Variants in CSMD2 observed in about 807,000 individuals in gnomAD.
CSMD2 encodes the protein CUB and sushi domain-containing protein 2.
A neutral mutation model predicts 398.5 loss-of-function variants in CSMD2; 130 were observed. The observed-to-expected ratio is 0.33, with a 90% CI of 0.28 to 0.38. The LOEUF is 0.38. Ranked by LOEUF, CSMD2 falls within the 10% of genes least tolerant of loss-of-function variation. CSMD2 has a pLI of 1.00. For missense variants in CSMD2, 3,829 were observed against 4,764.9 expected (o/e 0.80, Z 5.78); for synonymous variants, 1,828 against 1,908.5 (o/e 0.96, Z 1.10).
At chr1:33,630,548 GAA>G (rs1261909468) in intron 32 of CSMD2, among the ~76,000 whole-genome samples, 7 of 152,154 alleles carry the variant, frequency 4.6e-5, no homozygotes, top group Non-Finnish European at 1.0e-4. Flanking sequence ...GGAGAGCTAA[GAA>G]AAGAGTGTGA....
chr1:33,917,927 T>C (rs1462990159), intron 5 of CSMD2, among the ~76,000 whole-genome samples, 167 bp downstream of exon 5: 1 of 152,204 alleles, frequency 6.6e-6, no homozygotes, highest in African/African-American at 2.4e-5. Flanking sequence ...TCTAAAAATA[T>C]GCAGTGCTTT....
intron 2 of CSMD2, among the ~76,000 whole-genome samples, chr1:34,085,601 T>C (rs1445384989): frequency 6.6e-6 from 1 of 152,038 alleles, no homozygotes; most frequent in African/African-American, 2.4e-5. Context: ...TAAAACAAGA[T>C]GGTGAGAGGA....
At chr1:33,812,826 G>T (rs1657010797) in intron 9 of CSMD2, among the ~76,000 whole-genome samples, 1 of 152,186 alleles carries the variant, frequency 6.6e-6, no homozygotes, top group African/African-American at 2.4e-5. Flanking sequence ...CCAATGCCAT[G>T]TCTATTCTGT....
At chr1:33,969,768 T>C (rs1199253547) in intron 3 of CSMD2, among the ~76,000 whole-genome samples, 2 of 151,542 alleles carry the variant, frequency 1.3e-5, no homozygotes, top group African/African-American at 4.8e-5. Context: ...TGAGTGTGTA[T>C]GCTTCAGATT....
At chr1:33,824,977 T>C (rs1570133432) in intron 7 of CSMD2, among the ~76,000 whole-genome samples, 1 of 152,124 alleles carries the variant, frequency 6.6e-6, no homozygotes, top group East Asian at 1.9e-4. Context: ...GCCCAGAACC[T>C]TCCCCAGCCC....
chr1:33,938,317 T>C (rs1644543643), intron 3 of CSMD2, among the ~76,000 whole-genome samples: 1 of 152,178 alleles, frequency 6.6e-6, no homozygotes, highest in South Asian at 2.1e-4. Context: ...CATATTCCCC[T>C]GCTGCTGGCT....
intron 19 of CSMD2, 131 bp from the exon 20 acceptor site, chr1:33,716,632 G>A: frequency 1.5e-6 from 1 of 654,382 alleles, no homozygotes; most frequent in Non-Finnish European, 2.7e-6. Context: ...AGCATGCATT[G>A]ACAAATCATA....
rs141731452 is a variant in CSMD2 at position 33,973,136 on chromosome 1, C to T, written c.518-37182G>A. Among the ~76,000 whole-genome samples, 766 of 152,348 alleles carry T rather than the reference C, an allele frequency of 5.0e-3. 9 individuals carry two copies. The highest frequency in any genetic ancestry group is 0.017 in the African/African-American group (726 of 41,594). ...CTCCTCAACCAGATCCCAGGCCTGG[C>T]CGTGCCAGAATCCAGCCCTGCTAGG... On this transcript the variant is annotated intron_variant, in intron 3 of 70. Transcript: ENST00000373381.
intron 5 of CSMD2, among the ~76,000 whole-genome samples, chr1:33,897,246 T>C (rs1208674345): frequency 6.6e-6 from 1 of 152,026 alleles, no homozygotes; most frequent in African/African-American, 2.4e-5. Context: ...GACCCTCTCA[T>C]GTGAAGTCTA....
chr1:33,771,942 T>C (rs1346277874), intron 13 of CSMD2, among the ~76,000 whole-genome samples: 1 of 152,136 alleles, frequency 6.6e-6, no homozygotes, highest in Non-Finnish European at 1.5e-5. Flanking sequence ...ATTTAAGATA[T>C]CATTTGTGCT....
At chr1:34,062,503 CA>C (rs1243202359) in intron 2 of CSMD2, among the ~76,000 whole-genome samples, 3 of 152,190 alleles carry the variant, frequency 2.0e-5, no homozygotes, top group Non-Finnish European at 4.4e-5. Flanking sequence ...GCAGTGAAGA[CA>C]GGGGGTACAG....
intron 1 of CSMD2, among the ~76,000 whole-genome samples, chr1:34,131,647 A>G (rs1331017081): frequency 1.3e-5 from 2 of 152,196 alleles, no homozygotes; most frequent in Non-Finnish European, 2.9e-5. Context: ...CACAGCCTCC[A>G]GGCCCAGGCC....
At position 33,658,156 on chromosome 1, in the gene CSMD2, A is replaced by G; in HGVS notation, c.4256-19T>C. 1 of 1,606,402 alleles carries G rather than the reference A, an allele frequency of 6.2e-7. No homozygotes were observed. The highest frequency in any genetic ancestry group is 1.1e-5 in the South Asian group (1 of 90,594). On this transcript the variant is annotated intron_variant, in intron 26 of 70. Coordinates refer to ENST00000373381, the MANE Select transcript of CSMD2 (RefSeq NM_001281956.2). ...GTGGACACTGGGGCAAGGAAATAGA[A>G]GAGAGGGTAAGGTCGCCTGGGTGTC...
At chr1:34,157,896 G>C (rs1640954213) in intron 1 of CSMD2, among the ~76,000 whole-genome samples, 1 of 152,116 alleles carries the variant, frequency 6.6e-6, no homozygotes, top group African/African-American at 2.4e-5. Flanking sequence ...GTTCACATTT[G>C]TGGATGTATA....
At chr1:33,760,183 C>T (rs491586) in intron 13 of CSMD2, among the ~76,000 whole-genome samples, 22,905 of 152,246 alleles carry the variant, frequency 0.15, 2,113 homozygotes, top group South Asian at 0.24. Flanking sequence ...TGCCACACCT[C>T]TGGAATAATG....
chr1:33,782,866 T>A (rs1325650007), intron 12 of CSMD2, among the ~76,000 whole-genome samples: 2 of 152,102 alleles, frequency 1.3e-5, no homozygotes, highest in Non-Finnish European at 2.9e-5. Context: ...CTAAAATCAA[T>A]GGGAAGTTGT....
intron 3 of CSMD2, among the ~76,000 whole-genome samples, chr1:34,026,311 A>G (rs1357145972): frequency 6.6e-6 from 1 of 152,188 alleles, no homozygotes; most frequent in African/African-American, 2.4e-5. Flanking sequence ...CCTTATGGTT[A>G]CCAAGGAGTC....
In CSMD2 at chr1:33,846,537, G is replaced by A. The variant is rs540133897; in HGVS notation, c.1033+347C>T. 1.7e-3 allele frequency among the ~76,000 whole-genome samples: 264 copies of A among 152,254 alleles called. 1 individual carries two copies. Among genetic ancestry groups the A allele is most frequent in the Middle Eastern group, 6.8e-3 (2 of 294 alleles). On this transcript the variant is annotated intron_variant, in intron 6 of 70. Transcript: ENST00000373381. Reference sequence around the variant, plus strand: ...TTGTCCATAAAGTGAGGTGATGACCGTGTTTCCTTTGCAGGATAATGATGA... The same window carrying A: ...TTGTCCATAAAGTGAGGTGATGACCATGTTTCCTTTGCAGGATAATGATGA...
chr1:34,110,543 A>C (rs1175168081), intron 1 of CSMD2, among the ~76,000 whole-genome samples: 1 of 152,190 alleles, frequency 6.6e-6, no homozygotes, highest in African/African-American at 2.4e-5. Context: ...TGTCTCTTGC[A>C]GGAACATGAA....
Sources: allele counts gnomAD v4.1 joint callset (sites outside exome capture counted in the v4.1 genomes callset), GRCh38; gene constraint gnomAD v4.1.1; transcripts MANE v1.5; gene names NCBI Gene and HGNC (gene_info 2026-07-23, HGNC 2026-07-21).